Variants in EYA1 observed in about 807,000 individuals in gnomAD.
The protein encoded by EYA1 is EYA transcriptional coactivator and phosphatase 1.
In EYA1, 16 loss-of-function variants were observed where a neutral mutation model predicts 82.0. The ratio of observed to expected loss-of-function variants is 0.20; its 90% CI spans 0.13 to 0.30. The LOEUF (loss-of-function observed/expected upper bound fraction) is 0.30. EYA1 is among the 10% of genes least tolerant of loss of function. EYA1 has a pLI of 1.00. For synonymous variants in EYA1, 261 were observed against 264.4 expected (o/e 0.99, Z 0.12); for missense variants, 633 against 730.7 (o/e 0.87, Z 1.54).
At chr8:71,475,539 T>C (rs994272966) in intron 2 of EYA1, among the ~76,000 whole-genome samples, 2 of 152,204 alleles carry the variant, frequency 1.3e-5, no homozygotes, top group African/African-American at 4.8e-5. Context: ...CAGTAAATCA[T>C]AGTGAACATA....
At chr8:71,457,176 G>A (rs533259690) in intron 2 of EYA1, among the ~76,000 whole-genome samples, 26 of 152,252 alleles carry the variant, frequency 1.7e-4, no homozygotes, top group Admixed American at 3.3e-4. Context: ...ATCATCATTG[G>A]CCATCAGAGA....
intron 1 of EYA1, among the ~76,000 whole-genome samples, chr8:71,546,495 C>G (rs1395703054): frequency 1.3e-5 from 2 of 150,136 alleles, no homozygotes; most frequent in Non-Finnish European, 2.9e-5. Flanking sequence ...TTAGTAGACA[C>G]TTTCTACTGA....
At chr8:71,436,095 T>C (rs573533242) in intron 2 of EYA1, among the ~76,000 whole-genome samples, 1 of 152,246 alleles carries the variant, frequency 6.6e-6, no homozygotes, top group Admixed American at 6.5e-5. Flanking sequence ...AGGAATCTTT[T>C]TGAAGAAGAA....
rs565575319 is a variant in EYA1 at position 71,313,419 on chromosome 8, C to A, written c.556+4133G>T. On this transcript the variant is annotated intron_variant, in intron 7 of 17. Transcript: ENST00000340726. ...TGTGTTGTGGGGGGAAGAGAAGGAGCATTTAGGTAATGCTACCTAATCTGG... is the reference window on the plus strand; with the variant it reads ...TGTGTTGTGGGGGGAAGAGAAGGAGAATTTAGGTAATGCTACCTAATCTGG... 3.3e-5 allele frequency among the ~76,000 whole-genome samples: 5 copies of A among 152,172 alleles called. No individual in the cohort carries two copies. The East Asian group carries it at 9.7e-4, about 29-fold the overall frequency.
chr8:71,472,998 C>G (rs1247170514), intron 2 of EYA1, among the ~76,000 whole-genome samples: 1 of 151,644 alleles, frequency 6.6e-6, no homozygotes, highest in Non-Finnish European at 1.5e-5. Context: ...ATATTCAAAA[C>G]ACACTCTCAA....
At chr8:71,296,631 G>A (rs200583067) in intron 9 of EYA1, among the ~76,000 whole-genome samples, 5 of 147,718 alleles carry the variant, frequency 3.4e-5, no homozygotes, top group Non-Finnish European at 4.5e-5. Flanking sequence ...AAAAGTAAAA[G>A]AAAAAAAAAA....
chr8:71,299,020 C>A, intron 9 of EYA1, 27 bp downstream of exon 9: 1 of 1,599,448 alleles, frequency 6.3e-7, no homozygotes, highest in Non-Finnish European at 8.6e-7. Context: ...ATATCACCTG[C>A]AGGACTAATA....
chr8:71,311,153 G>C (rs1425577725), intron 7 of EYA1, among the ~76,000 whole-genome samples: 1 of 152,148 alleles, frequency 6.6e-6, no homozygotes, highest in African/African-American at 2.4e-5. Context: ...GTATTAGATG[G>C]AACCATAAAT....
chr8:71,412,416 TAAAATAAAATAAAAA>T (rs1427874139), intron 2 of EYA1, among the ~76,000 whole-genome samples: 17 of 121,362 alleles, frequency 1.4e-4, no homozygotes, highest in South Asian at 1.3e-3. Flanking sequence ...AAAAATAAAA[TAAAATAAAATAAAAA>T]AAAGAAATTG....
intron 2 of EYA1, among the ~76,000 whole-genome samples, chr8:71,489,351 G>A (rs1810817884): frequency 2.8e-5 from 4 of 145,266 alleles, no homozygotes; most frequent in African/African-American, 1.0e-4. Context: ...TTATTGTATT[G>A]TACTATTATT....
At chr8:71,477,105 G>A (rs1310333277) in intron 2 of EYA1, among the ~76,000 whole-genome samples, 2 of 152,050 alleles carry the variant, frequency 1.3e-5, no homozygotes, top group Non-Finnish European at 2.9e-5. Context: ...AAATGCAAGA[G>A]TAGAACTGTA....
At chr8:71,477,558 A>T (rs1809761932) in intron 2 of EYA1, among the ~76,000 whole-genome samples, 1 of 151,812 alleles carries the variant, frequency 6.6e-6, no homozygotes, top group Non-Finnish European at 1.5e-5. Flanking sequence ...TTTTTTTCAA[A>T]AAAAGGCAAA....
intron 1 of EYA1, among the ~76,000 whole-genome samples, chr8:71,545,448 T>A (rs1470008840): frequency 6.6e-6 from 1 of 152,142 alleles, no homozygotes; most frequent in Non-Finnish European, 1.5e-5. Flanking sequence ...AGTAAATCAA[T>A]ACTGTTATTA....
intron 11 of EYA1, among the ~76,000 whole-genome samples, chr8:71,244,980 A>T (rs1353843990): frequency 2.6e-5 from 4 of 152,212 alleles, no homozygotes; most frequent in African/African-American, 9.6e-5. Flanking sequence ...AGACATATAA[A>T]ATAAAGGAAA....
At chr8:71,315,088 C>G (rs1292252070) in intron 7 of EYA1, among the ~76,000 whole-genome samples, 1 of 152,088 alleles carries the variant, frequency 6.6e-6, no homozygotes, top group African/African-American at 2.4e-5. Context: ...GAAAGTAACT[C>G]TCAAGCACAA....
chr8:71,294,760 TAA>T (rs1215862178), intron 9 of EYA1, among the ~76,000 whole-genome samples: 1 of 152,076 alleles, frequency 6.6e-6, no homozygotes, highest in East Asian at 1.9e-4. Flanking sequence ...TATGGAGAGA[TAA>T]AAGACTCAGA....
intron 2 of EYA1, among the ~76,000 whole-genome samples, chr8:71,496,798 C>A (rs190791284): frequency 6.6e-6 from 1 of 151,870 alleles, no homozygotes; most frequent in Non-Finnish European, 1.5e-5. Context: ...TTGTGTCAGT[C>A]GATTACCACC....
At chr8:71,417,686 T>C (rs1830929221) in intron 2 of EYA1, among the ~76,000 whole-genome samples, 1 of 152,166 alleles carries the variant, frequency 6.6e-6, no homozygotes, top group Non-Finnish European at 1.5e-5. Context: ...TGCTGAACAC[T>C]GAACCAGACA....
At chr8:71,378,469 AAACTGTCAGT>A (rs1828503618) in intron 2 of EYA1, among the ~76,000 whole-genome samples, 1 of 152,216 alleles carries the variant, frequency 6.6e-6, no homozygotes, top group Non-Finnish European at 1.5e-5. Context: ...AACCAAAATT[AAACTGTCAGT>A]AATAAAAAAC....
Sources: allele counts gnomAD v4.1 joint callset (sites outside exome capture counted in the v4.1 genomes callset), GRCh38; gene constraint gnomAD v4.1.1; transcripts MANE v1.5; gene names NCBI Gene and HGNC (gene_info 2026-07-23, HGNC 2026-07-21).